KCNQ3: variants seen among roughly 807,000 people sequenced by gnomAD.
KCNQ3 encodes the protein potassium voltage-gated channel subfamily KQT member 3.
KCNQ3 carries 30 observed loss-of-function variants against 92.5 expected under a neutral mutation model. That is an observed-to-expected ratio of 0.32 (90% CI 0.24 to 0.44). The LOEUF is 0.44. KCNQ3 is among the 20% of genes least tolerant of loss of function. The pLI is 1.00. For missense variants in KCNQ3, 913 were observed against 1,140.3 expected, an observed-to-expected ratio of 0.80 and a Z score of 2.87; for synonymous variants, 450 against 468.8, an observed-to-expected ratio of 0.96 and a Z score of 0.52.
At chr8:132,429,188 T>C (rs1821183652) in intron 1 of KCNQ3, among the ~76,000 whole-genome samples, 1 of 152,210 alleles carries the variant, frequency 6.6e-6, no homozygotes, top group Non-Finnish European at 1.5e-5. Flanking sequence ...TGTCAACCAC[T>C]AATGAAGAAG....
rs193130170 is a variant in KCNQ3 at position 132,323,444 on chromosome 8, C to T, written c.387-137263G>A. On this transcript the variant is annotated intron_variant, in intron 1 of 14. Coordinates refer to ENST00000388996, the MANE Select transcript of KCNQ3 (RefSeq NM_004519.4). Reference sequence around the variant, plus strand: ...GTGTAGCTGTGATACAGGTTATATGCGGCCCACAAAGCCCAAAATATTTAC... The same window carrying T: ...GTGTAGCTGTGATACAGGTTATATGTGGCCCACAAAGCCCAAAATATTTAC... Among the ~76,000 whole-genome samples the T allele has an allele frequency of 5.3e-5, 8 of 152,262 alleles. No homozygotes were observed. In the East Asian group the frequency reaches 1.4e-3, roughly 26 times the overall value.
At chr8:132,190,765 C>G (rs572485401) in intron 1 of KCNQ3, among the ~76,000 whole-genome samples, 80 of 152,314 alleles carry the variant, frequency 5.3e-4, no homozygotes, top group Middle Eastern at 6.8e-3. Flanking sequence ...TTGTAAGCCA[C>G]TAAGTTAGAG....
chr8:132,475,919 G>T (rs539679220), intron 1 of KCNQ3, among the ~76,000 whole-genome samples: 51 of 152,318 alleles, frequency 3.3e-4, no homozygotes, highest in Non-Finnish European at 5.4e-4. Flanking sequence ...AGAGGCCTAG[G>T]GGGGAAAAAT....
chr8:132,343,199 CATTTCATCCATGCACTCA>C (rs1818586712), intron 1 of KCNQ3, among the ~76,000 whole-genome samples: 1 of 152,222 alleles, frequency 6.6e-6, no homozygotes, highest in East Asian at 1.9e-4. Context: ...TTGCTCACTC[CATTTCATCCATGCACTCA>C]CCATGTCACT....
At chr8:132,327,715 C>T (rs1232841088) in intron 1 of KCNQ3, among the ~76,000 whole-genome samples, 3 of 152,190 alleles carry the variant, frequency 2.0e-5, no homozygotes, top group Admixed American at 1.3e-4. Context: ...TTCTCTGCTC[C>T]TAGAAAATCC....
At chr8:132,250,982 G>C (rs778055259) in intron 1 of KCNQ3, among the ~76,000 whole-genome samples, 3 of 152,144 alleles carry the variant, frequency 2.0e-5, no homozygotes, top group African/African-American at 4.8e-5. Context: ...TTTGTGGCTG[G>C]GCACCATGGC....
At chr8:132,410,570 C>A (rs1820623881) in intron 1 of KCNQ3, among the ~76,000 whole-genome samples, 1 of 152,236 alleles carries the variant, frequency 6.6e-6, no homozygotes, top group Non-Finnish European at 1.5e-5. Flanking sequence ...GTGCCTGGCA[C>A]ACAGTAAGTG....
At chr8:132,439,940 G>C (rs1414934527) in intron 1 of KCNQ3, among the ~76,000 whole-genome samples, 1 of 152,138 alleles carries the variant, frequency 6.6e-6, no homozygotes, top group African/African-American at 2.4e-5. Flanking sequence ...TAGAGGATTG[G>C]TTCTGGGACC....
rs76215494 is a variant in KCNQ3, at chr8:132,179,851, C to G, written c.777+306G>C. On this transcript the variant is annotated intron_variant, in intron 4 of 14. Coordinates refer to ENST00000388996, the MANE Select transcript of KCNQ3 (RefSeq NM_004519.4). ...TCTGAAGGAATAGGCATTATCATTC[C>G]TATTTTAAAAGTGAGAAAACTGAGG... Among the ~76,000 whole-genome samples the G allele has an allele frequency of 0.02, 3,020 of 152,164 alleles. 108 individuals are homozygous for G. The highest frequency in any genetic ancestry group is 0.068 in the African/African-American group (2,808 of 41,486).
At chr8:132,432,736 GAC>G (rs1165610115) in intron 1 of KCNQ3, among the ~76,000 whole-genome samples, 4 of 152,070 alleles carry the variant, frequency 2.6e-5, no homozygotes, top group Admixed American at 6.6e-5. Flanking sequence ...ATCCACTCTG[GAC>G]ACACTGCACT....
At chr8:132,436,813 C>A (rs1429156849) in intron 1 of KCNQ3, among the ~76,000 whole-genome samples, 1 of 152,072 alleles carries the variant, frequency 6.6e-6, no homozygotes, top group Non-Finnish European at 1.5e-5. Context: ...GGTTAGTTCT[C>A]CCTGGGCTCA....
At chr8:132,299,238 GGTGGTTTTTA>G (rs1481404710) in intron 1 of KCNQ3, among the ~76,000 whole-genome samples, 9 of 151,628 alleles carry the variant, frequency 5.9e-5, no homozygotes, top group Non-Finnish European at 1.2e-4. Context: ...GCATAATAGT[GGTGGTTTTTA>G]GTTTCTTACA....
intron 1 of KCNQ3, among the ~76,000 whole-genome samples, chr8:132,287,435 T>C (rs1163494710): frequency 1.3e-5 from 2 of 152,206 alleles, no homozygotes; most frequent in Admixed American, 1.3e-4. Context: ...CTCTCCAAGT[T>C]GAAAACAGGT....
At chr8:132,427,489 T>C (rs1478526369) in intron 1 of KCNQ3, among the ~76,000 whole-genome samples, 1 of 152,184 alleles carries the variant, frequency 6.6e-6, no homozygotes, top group Non-Finnish European at 1.5e-5. Context: ...AATTGTGTTT[T>C]TTTTCTGCCT....
In KCNQ3 at chr8:132,465,893, C is replaced by T. The variant is rs552565860; in HGVS notation, c.386+14254G>A. Among the ~76,000 whole-genome samples the T allele has an allele frequency of 1.8e-4, 28 of 152,192 alleles. 1 individual carries two copies. In the South Asian group the frequency reaches 5.6e-3, roughly 30 times the overall value. ...CACCACTGGACTCCAGCCTGGGAGA[C>T]AGAGGGAGACCCTGTCTAAAAAATA... On this transcript the variant is annotated intron_variant, in intron 1 of 14. Coordinates refer to ENST00000388996, the MANE Select transcript of KCNQ3 (RefSeq NM_004519.4).
intron 1 of KCNQ3, among the ~76,000 whole-genome samples, chr8:132,229,037 C>T (rs138420523): frequency 3.3e-5 from 5 of 152,224 alleles, no homozygotes; most frequent in South Asian, 4.2e-4. Context: ...AGATGGATCA[C>T]GAGGTCAAGA....
chr8:132,390,617 C>T (rs1820025723), intron 1 of KCNQ3, among the ~76,000 whole-genome samples: 1 of 152,136 alleles, frequency 6.6e-6, no homozygotes, highest in Admixed American at 6.5e-5. Flanking sequence ...CCTTGGAACA[C>T]TGTATAAGAG....
At chr8:132,265,385 G>A (rs772780070) in intron 1 of KCNQ3, among the ~76,000 whole-genome samples, 6 of 152,180 alleles carry the variant, frequency 3.9e-5, no homozygotes, top group Non-Finnish European at 7.3e-5. Context: ...TTAATTCCTT[G>A]GCAAAGAGTC....
chr8:132,357,271 G>A (rs1400994253), intron 1 of KCNQ3, among the ~76,000 whole-genome samples: 1 of 152,230 alleles, frequency 6.6e-6, no homozygotes, highest in Non-Finnish European at 1.5e-5. Flanking sequence ...CCTTTGGAAG[G>A]TAATTCAGCG....
Sources: gnomAD v4.1 joint callset for allele counts (sites outside exome capture counted in the v4.1 genomes callset) on GRCh38, gnomAD v4.1.1 for gene constraint, MANE v1.5 for transcripts, NCBI Gene and HGNC (gene_info 2026-07-23, HGNC 2026-07-21) for gene names.